The following ACAD9 variants were observed in gnomAD, a reference collection of about 807,000 sequenced individuals.
ACAD9 encodes the protein acyl-CoA dehydrogenase family member 9.
Under a neutral mutation model 70.2 loss-of-function variants are expected in ACAD9, and 53 were observed. The observed-to-expected ratio is 0.75, with a 90% CI of 0.61 to 0.95. The LOEUF (loss-of-function observed/expected upper bound fraction) is 0.95, where lower values mean the gene tolerates loss of function less well. Among genes scored for constraint, ACAD9 ranks in the 40% least tolerant of loss-of-function variants. The pLI is 0.00. For synonymous variants in ACAD9, 313 were observed against 312.1 expected, an observed-to-expected ratio of 1.00 and a Z score of -0.03; for missense variants, 777 against 802.8, an observed-to-expected ratio of 0.97 and a Z score of 0.39.
At position 128,879,670 on chromosome 3, in the gene ACAD9, AGGCTGGG is replaced by A. The variant is rs779264640; in HGVS notation, c.-20_-14del. ...CGCTAAGAAGGGGAGACTGAGGCTG[AGGCTGGG>A]GAACATCGGGCAGCATGAGCGGCTG... is the stretch of plus-strand genomic sequence containing the variant. On this transcript the variant is annotated 5_prime_UTR_variant, in exon 1 of 18. Transcript: ENST00000308982. 3.1e-6 allele frequency: 5 copies of A among 1,611,778 alleles called. No homozygotes were observed. Among genetic ancestry groups the A allele is most frequent in the Non-Finnish European group, 4.2e-6 (5 of 1,179,816 alleles).
chr3:128,893,539 A>G lies in ACAD9; in HGVS notation c.245-16A>G. The G allele has an allele frequency of 6.3e-7, 1 of 1,589,532 alleles. No homozygotes were observed. The highest frequency in any genetic ancestry group is 8.6e-7 in the Non-Finnish European group (1 of 1,157,758). ...CATAGCTTATATTTGTTTAATCAAG[A>G]TTTTCCTCTTGGCAGTGGACTCCCG... On this transcript the variant is annotated splice_polypyrimidine_tract_variant and intron_variant, in intron 2 of 17. Coordinates refer to ENST00000308982, the MANE Select transcript of ACAD9 (RefSeq NM_014049.5).
At chr3:128,907,387 G>A (rs1186137277) in intron 12 of ACAD9, among the ~76,000 whole-genome samples, 1 of 152,206 alleles carries the variant, frequency 6.6e-6, no homozygotes, top group Non-Finnish European at 1.5e-5. Context: ...GCCTGGGAGG[G>A]TTGGGGTTCT....
intron 9 of ACAD9, among the ~76,000 whole-genome samples, 200 bp from the exon 10 acceptor site, chr3:128,903,862 G>C (rs946236624): frequency 1.3e-5 from 2 of 152,198 alleles, no homozygotes; most frequent in African/African-American, 4.8e-5. Context: ...CTCTGTGTGT[G>C]GGTGCCATGA....
chr3:128,892,826 C>G (rs1292423630), intron 2 of ACAD9, among the ~76,000 whole-genome samples: 1 of 152,150 alleles, frequency 6.6e-6, no homozygotes, highest in Non-Finnish European at 1.5e-5. Context: ...CATTTTAGTA[C>G]AATTCTGAGA....
At chr3:128,895,178 G>A (rs1455505290) in intron 3 of ACAD9, 132 bp from the exon 4 acceptor site, 4 of 760,290 alleles carry the variant, frequency 5.3e-6, no homozygotes, top group Non-Finnish European at 9.0e-6. Flanking sequence ...TGCCCGGCCT[G>A]TATTGTGATT....
rs371417658 is a variant in ACAD9, at chr3:128,899,347, G to A, written c.694G>A (p.Val232Ile). The change falls in exon 7 of 18, where the codon GTT (valine) becomes ATT (isoleucine). Residue 232 changes from valine (V) to isoleucine (I), a missense_variant. Val to Ile is a conservative substitution (Grantham distance 29, BLOSUM62 3). Transcript: ENST00000308982. Reference sequence around the variant, plus strand: ...TACTGTGTTTGCAAAGACTGAGGTCGTTGATTCTGATGGATCAGTGAAAGA... The same window carrying A: ...TACTGTGTTTGCAAAGACTGAGGTCATTGATTCTGATGGATCAGTGAAAGA... ...IFTVFAKTEV[V>I]DSDGSVKDKI... 65 of 1,614,138 alleles carry A rather than the reference G, an allele frequency of 4.0e-5. No homozygotes were observed. In the South Asian group the frequency reaches 4.6e-4, roughly 11 times the overall value.
Position 128,905,535 on chromosome 3 carries a change from G to C in ACAD9, c.1150-586G>C, listed in dbSNP as rs375953484. On this transcript the variant is annotated intron_variant, in intron 11 of 17. Transcript: ENST00000308982. ...AGTCTACCTAAAAGGTTGGGATCCT[G>C]AAGTGGCAAGGTCCCTAAAAAAATA... Among the ~76,000 whole-genome samples, 20 of 152,330 alleles carry C rather than the reference G, an allele frequency of 1.3e-4. 1 individual carries two copies. The highest frequency in any genetic ancestry group is 4.6e-4 in the Admixed American group (7 of 15,298).
intron 13 of ACAD9, chr3:128,908,497 A>AT (rs1400471518): frequency 3.3e-6 from 2 of 604,844 alleles, no homozygotes; most frequent in African/African-American, 3.7e-5. Flanking sequence ...TAAATACCGT[A>AT]TCCCCCATCT....
intron 2 of ACAD9, among the ~76,000 whole-genome samples, chr3:128,887,067 A>AG (rs200085741): frequency 0.05 from 7,561 of 152,150 alleles, 390 homozygotes; most frequent in African/African-American, 0.12. Context: ...CTGGAATTAT[A>AG]GCACGCACCG....
chr3:128,911,261 T>G (rs1219173135), intron 17 of ACAD9, among the ~76,000 whole-genome samples: 1 of 152,282 alleles, frequency 6.6e-6, no homozygotes, highest in Middle Eastern at 3.4e-3. Context: ...TTTCACCATG[T>G]TAGCCAGGCT....
intron 7 of ACAD9, among the ~76,000 whole-genome samples, chr3:128,900,731 C>T (rs949116023): frequency 2.0e-5 from 3 of 152,064 alleles, no homozygotes; most frequent in South Asian, 4.1e-4. Context: ...CAGGAAGTCA[C>T]ATGGTCATAC....
chr3:128,909,941 CA>C (rs1481493015), intron 15 of ACAD9, 79 bp from the exon 16 acceptor site: 1 of 1,580,796 alleles, frequency 6.3e-7, no homozygotes, highest in Non-Finnish European at 8.6e-7. Context: ...CTAAGACAGG[CA>C]AAGATGCAGC....
chr3:128,910,824 T>C lies in ACAD9; in HGVS notation c.1765+11T>C. 1 of 1,614,006 alleles carries C rather than the reference T, an allele frequency of 6.2e-7. No individual in the cohort carries two copies. The highest frequency in any genetic ancestry group is 2.2e-5 in the East Asian group (1 of 44,876). On this transcript the variant is annotated intron_variant, in intron 17 of 17. Coordinates refer to ENST00000308982, the MANE Select transcript of ACAD9 (RefSeq NM_014049.5). ...CTCAGCTGGACAAGTGTGAGTGGCA[T>C]GTCTTGGGGGAGGGAAGGAAGGGCC...
intron 4 of ACAD9, among the ~76,000 whole-genome samples, chr3:128,895,642 C>T (rs1935549501): frequency 6.6e-6 from 1 of 152,206 alleles, no homozygotes. Context: ...CTGAATCCAC[C>T]TCCTGTCCCC....
Position 128,912,493 on chromosome 3 carries a change from C to A in ACAD9, c.1766-14C>A. The A allele has an allele frequency of 1.9e-6, 3 of 1,611,416 alleles. No homozygotes were observed. Among genetic ancestry groups the A allele is most frequent in the Non-Finnish European group, 2.5e-6 (3 of 1,177,668 alleles). On this transcript the variant is annotated splice_polypyrimidine_tract_variant and intron_variant, in intron 17 of 17. Transcript: ENST00000308982. ...GCAGAAAGATCACCCACCATCTCTC[C>A]TTTTCCTTCCCAGATGCTCCAGAAA...
intron 17 of ACAD9, among the ~76,000 whole-genome samples, chr3:128,912,086 G>A (rs765677684): frequency 1.3e-5 from 2 of 152,198 alleles, no homozygotes; most frequent in African/African-American, 4.8e-5. Flanking sequence ...GGGTGTAGGC[G>A]CCAGCACTGT....
chr3:128,893,490 C>A, intron 2 of ACAD9, 65 bp from the exon 3 acceptor site: 1 of 1,225,270 alleles, frequency 8.2e-7, no homozygotes, highest in Non-Finnish European at 1.2e-6. Flanking sequence ...TAAACACTGT[C>A]CTGTTTACTT....
At chr3:128,880,427 T>C (rs1935054571) in intron 1 of ACAD9, among the ~76,000 whole-genome samples, 1 of 152,102 alleles carries the variant, frequency 6.6e-6, no homozygotes, top group Non-Finnish European at 1.5e-5. Flanking sequence ...GTTGTTTTTT[T>C]TGAGACAGAG....
intron 2 of ACAD9, among the ~76,000 whole-genome samples, chr3:128,886,231 T>C (rs1935241339): frequency 2.7e-5 from 4 of 150,728 alleles, no homozygotes; most frequent in Admixed American, 6.6e-5. Context: ...GCCTCCCAAG[T>C]ATCTGGGACT....
Sources: allele counts gnomAD v4.1 joint callset (sites outside exome capture counted in the v4.1 genomes callset), GRCh38; gene constraint gnomAD v4.1.1; transcripts MANE v1.5; gene names NCBI Gene and HGNC (gene_info 2026-07-23, HGNC 2026-07-21).